Variants in PID1 observed in about 807,000 individuals in gnomAD.
The protein encoded by PID1 is PTB-containing, cubilin and LRP1-interacting protein.
Under a neutral mutation model 19.1 loss-of-function variants are expected in PID1, and 10 were observed. The ratio of observed to expected loss-of-function variants is 0.52; its 90% confidence interval spans 0.32 to 0.89. The LOEUF (loss-of-function observed/expected upper bound fraction) is 0.89. PID1 is among the 40% of genes least tolerant of loss of function. PID1 has a pLI of 0.03. For missense variants in PID1, 248 were observed against 285.3 expected, an observed-to-expected ratio of 0.87 and a Z score of 0.94; for synonymous variants, 130 against 116.0, an observed-to-expected ratio of 1.12 and a Z score of -0.78.
At chr2:229,130,267 G>A (rs754314439) in intron 2 of PID1, among the ~76,000 whole-genome samples, 3 of 152,120 alleles carry the variant, frequency 2.0e-5, no homozygotes, top group Non-Finnish European at 2.9e-5. Context: ...GCAGACACCC[G>A]TCCTTGCATT....
chr2:229,266,270 A>AT (rs150485823), intron 1 of PID1, among the ~76,000 whole-genome samples: 49,876 of 148,354 alleles, frequency 0.34, 8,367 homozygotes, highest in African/African-American at 0.36. Context: ...CCTTCTCCCC[A>AT]TTTTTTTTTT....
chr2:229,097,457 T>C (rs1042225217), intron 2 of PID1, among the ~76,000 whole-genome samples: 21 of 152,184 alleles, frequency 1.4e-4, no homozygotes, highest in African/African-American at 4.8e-4. Flanking sequence ...CTATATTCCT[T>C]TGATTAGATG....
chr2:229,026,697 C>T (rs1380257074), intron 2 of PID1, among the ~76,000 whole-genome samples: 1 of 152,180 alleles, frequency 6.6e-6, no homozygotes, highest in Non-Finnish European at 1.5e-5. Context: ...TTAAAAATAA[C>T]AGCAGTGCCC....
intron 1 of PID1, among the ~76,000 whole-genome samples, chr2:229,230,837 G>A (rs1026984986): frequency 6.6e-6 from 1 of 152,158 alleles, no homozygotes; most frequent in African/African-American, 2.4e-5. Flanking sequence ...ATACTTGTTT[G>A]TGTATATATA....
At position 229,191,236 on chromosome 2, in the gene PID1, GGGA is replaced by G. The variant is rs375415285; in HGVS notation, c.31-35275_31-35273del. 3.3e-3 allele frequency among the ~76,000 whole-genome samples: 495 copies of G among 152,184 alleles called. 3 individuals are homozygous for G. Among genetic ancestry groups the G allele is most frequent in the Middle Eastern group, 0.014 (4 of 294 alleles). On this transcript the variant is annotated intron_variant, in intron 1 of 2. Coordinates refer to ENST00000392055, the MANE Select transcript of PID1 (RefSeq NM_001100818.2). ...CTTTAGAAAATGTCATGTGTCTTTT[GGGA>G]GGAGGGCAAATCGCCACCGATGGAG...
intron 1 of PID1, among the ~76,000 whole-genome samples, chr2:229,258,230 G>A (rs1394064179): frequency 6.6e-6 from 1 of 152,180 alleles, no homozygotes; most frequent in Non-Finnish European, 1.5e-5. Context: ...TCCAGAATGA[G>A]GAAGAATCAA....
At chr2:229,141,824 C>T (rs552879486) in intron 2 of PID1, among the ~76,000 whole-genome samples, 3 of 152,142 alleles carry the variant, frequency 2.0e-5, no homozygotes, top group East Asian at 3.9e-4. Flanking sequence ...TCATTTAGAG[C>T]ACTCAGTACG....
intron 2 of PID1, among the ~76,000 whole-genome samples, chr2:229,132,433 A>G (rs1325488790): frequency 6.6e-6 from 1 of 152,230 alleles, no homozygotes; most frequent in Non-Finnish European, 1.5e-5. Context: ...CGGTGTCACT[A>G]TCACTGCCGG....
Position 229,065,729 on chromosome 2 carries a change from A to AAAAAAAAAAAAAAAAAAG in PID1, c.178-39622_178-39621insCTTTTTTTTTTTTTTTTT, listed in dbSNP as rs765746020. ...GTGATTTACAAAAAAAAAAAAAAAA[A>AAAAAAAAAAAAAAAAAAG]AAACAGGTTGAAATTCAGAGATTTA... On this transcript the variant is annotated intron_variant, in intron 2 of 2. Transcript: ENST00000392055. Among the ~76,000 whole-genome samples, 30 of 140,660 alleles carry AAAAAAAAAAAAAAAAAAG rather than the reference A, an allele frequency of 2.1e-4. 1 individual carries two copies. The highest frequency in any genetic ancestry group is 4.2e-4 in the South Asian group (2 of 4,708). 92.3% of individuals were successfully genotyped at this position (140,660 alleles called of 152,430 possible). A position where few individuals can be genotyped will look rare whatever the true frequency, so the allele number is the denominator to read the frequency against.
At chr2:229,139,146 A>AAAGAAAGAAAGAAAGCAAGC (rs1293626727) in intron 2 of PID1, among the ~76,000 whole-genome samples, 1 of 109,034 alleles carries the variant, frequency 9.2e-6, no homozygotes, top group African/African-American at 3.7e-5. Flanking sequence ...AGAAAGAAAG[A>AAAGAAAGAAAGAAAGCAAGC]AAGCAAGCGA....
At chr2:229,102,729 G>C (rs1371735415) in intron 2 of PID1, among the ~76,000 whole-genome samples, 1 of 152,152 alleles carries the variant, frequency 6.6e-6, no homozygotes, top group Non-Finnish European at 1.5e-5. Context: ...GTCCTGAGGG[G>C]CCTCTACCTG....
intron 2 of PID1, among the ~76,000 whole-genome samples, chr2:229,136,661 C>T (rs1362251): frequency 0.39 from 59,952 of 151,944 alleles, 12,009 homozygotes; most frequent in South Asian, 0.57. Flanking sequence ...AATTAAGGAA[C>T]GGCACTTTCT....
chr2:229,161,878 T>A (rs1690498856), intron 1 of PID1, among the ~76,000 whole-genome samples: 1 of 152,216 alleles, frequency 6.6e-6, no homozygotes, highest in Non-Finnish European at 1.5e-5. Context: ...TCTGTCAACT[T>A]TAAAATGTTA....
At chr2:229,218,790 A>C (rs1691902960) in intron 1 of PID1, among the ~76,000 whole-genome samples, 2 of 152,196 alleles carry the variant, frequency 1.3e-5, no homozygotes, top group Admixed American at 1.3e-4. Context: ...CTATGGTAAC[A>C]AACAGAAGAC....
chr2:229,260,817 A>AT (rs66533277), intron 1 of PID1, among the ~76,000 whole-genome samples: 4,407 of 114,402 alleles, frequency 0.039, 126 homozygotes, highest in Middle Eastern at 0.066. Context: ...TCTGATTGCC[A>AT]TTTTTTTTTT....
At chr2:229,109,156 C>T (rs532990208) in intron 2 of PID1, among the ~76,000 whole-genome samples, 38 of 152,244 alleles carry the variant, frequency 2.5e-4, no homozygotes, top group African/African-American at 9.1e-4. Flanking sequence ...AAGACATTTT[C>T]TGCTGAAAAA....
chr2:229,093,132 C>CTTTTTTTTTT (rs1011657647), intron 2 of PID1, among the ~76,000 whole-genome samples: 1 of 57,998 alleles, frequency 1.7e-5, no homozygotes, highest in African/African-American at 4.6e-5. Flanking sequence ...CTTTCTTTTT[C>CTTTTTTTTTT]TTTTTCTTTT....
intron 2 of PID1, among the ~76,000 whole-genome samples, chr2:229,102,480 G>A (rs962437779): frequency 1.3e-5 from 2 of 152,168 alleles, no homozygotes; most frequent in African/African-American, 4.8e-5. Flanking sequence ...CAGGTAAAAG[G>A]AGGAAAGCGA....
At chr2:229,230,795 A>G (rs551087777) in intron 1 of PID1, among the ~76,000 whole-genome samples, 2 of 152,308 alleles carry the variant, frequency 1.3e-5, no homozygotes, top group Admixed American at 1.3e-4. Flanking sequence ...ATACACACAC[A>G]CACATATGTA....
Sources: gnomAD v4.1 joint callset for allele counts (sites outside exome capture counted in the v4.1 genomes callset) on GRCh38, gnomAD v4.1.1 for gene constraint, MANE v1.5 for transcripts, NCBI Gene and HGNC (gene_info 2026-07-23, HGNC 2026-07-21) for gene names.